DMXL2: variants seen among roughly 807,000 people sequenced by gnomAD.
DMXL2 encodes the protein Dmx like 2, also known as dmX-like protein 2.
A neutral mutation model predicts 331.1 loss-of-function variants in DMXL2; 103 were observed. That is an observed-to-expected ratio of 0.31 (90% CI 0.27 to 0.37). The LOEUF (loss-of-function observed/expected upper bound fraction) is 0.37. Ranked by LOEUF, DMXL2 falls within the 10% of genes least tolerant of loss-of-function variation. DMXL2 has a pLI of 1.00. For synonymous variants in DMXL2, 1,281 were observed against 1,252.1 expected, an observed-to-expected ratio of 1.02 and a Z score of -0.49; for missense variants, 3,171 against 3,642.9, an observed-to-expected ratio of 0.87 and a Z score of 3.33.
At chr15:51,545,863 C>A (rs746797034) in intron 7 of DMXL2, 97 bp from the exon 8 acceptor site, 3 of 946,518 alleles carry the variant, frequency 3.2e-6, no homozygotes, top group African/African-American at 3.3e-5. Context: ...AACATTAGTG[C>A]AAAACACTAT....
chr15:51,469,677 A>G (rs757343735), intron 29 of DMXL2, among the ~76,000 whole-genome samples: 1 of 151,424 alleles, frequency 6.6e-6, no homozygotes, highest in Non-Finnish European at 1.5e-5. Context: ...GCACATTACC[A>G]TTTACAAATC....
rs558882467 is a variant in DMXL2, at chr15:51,571,058, A to C, written c.214-2500T>G. Among the ~76,000 whole-genome samples, 7 of 152,328 alleles carry C rather than the reference A, an allele frequency of 4.6e-5. No homozygotes were observed. In the South Asian group the frequency reaches 8.3e-4, roughly 18 times the overall value. ...GGAGACCCATCTCACATGCAGACAC[A>C]CATACAGGCTGAAAATAAAGGGATA... On this transcript the variant is annotated intron_variant, in intron 2 of 43. Coordinates refer to ENST00000560891, the MANE Select transcript of DMXL2 (RefSeq NM_001378457.1).
chr15:51,540,750 T>A (rs771554305), intron 9 of DMXL2, among the ~76,000 whole-genome samples: 1 of 152,182 alleles, frequency 6.6e-6, no homozygotes, highest in Non-Finnish European at 1.5e-5. Context: ...TAAAAATGCA[T>A]GATGTTAAAC....
At chr15:51,483,667 G>C (rs1361310702) in intron 23 of DMXL2, among the ~76,000 whole-genome samples, 1 of 151,586 alleles carries the variant, frequency 6.6e-6, no homozygotes. Flanking sequence ...CCTGCTCCCT[G>C]CACTCAGAGT....
intron 32 of DMXL2, among the ~76,000 whole-genome samples, chr15:51,463,906 G>C (rs2040343139): frequency 6.6e-6 from 1 of 151,712 alleles, no homozygotes; most frequent in African/African-American, 2.4e-5. Flanking sequence ...TATTTTAATA[G>C]TAAAAACTAT....
intron 27 of DMXL2, among the ~76,000 whole-genome samples, chr15:51,474,805 A>C (rs1330858338): frequency 6.6e-6 from 1 of 152,150 alleles, no homozygotes; most frequent in East Asian, 2.0e-4. Flanking sequence ...TGAGTAGATA[A>C]ACAAAAGGTA....
rs555509118 is a variant in DMXL2, at chr15:51,610,292, C to T, written c.87+12167G>A. ...AAATAAAACAAAATTAACAAAACCA[C>T]AAGATAGGAATAAATGCATATTTAT... On this transcript the variant is annotated intron_variant, in intron 1 of 43. Transcript: ENST00000560891. 5.3e-5 allele frequency among the ~76,000 whole-genome samples: 8 copies of T among 152,082 alleles called. No individual in the cohort carries two copies. The East Asian group carries it at 1.2e-3, about 22-fold the overall frequency.
At position 51,481,333 on chromosome 15, in the gene DMXL2, C is replaced by G; in HGVS notation, c.5773G>C (p.Asp1925His). 6.2e-7 allele frequency: 1 copy of G among 1,614,076 alleles called. No homozygotes were observed. Among genetic ancestry groups the G allele is most frequent in the South Asian group, 1.1e-5 (1 of 91,052 alleles). ...SALSAKKDQP[D>H]FISHRMDDVP... Reference sequence around the variant, plus strand: ...TCATCCATCCTGTGAGAAATGAAGTCAGGCTGATCTTTTTTTGCAGATAAG... The same window carrying G: ...TCATCCATCCTGTGAGAAATGAAGTGAGGCTGATCTTTTTTTGCAGATAAG... Residue 1925 changes from aspartate (D) to histidine (H), a missense_variant, in exon 24 of 44, where the codon GAC becomes CAC. By Grantham distance (81) the Asp-to-His change is moderately conservative. This residue lies in a region of DMXL2 where 244 missense variants were observed against 251.4 expected (regional missense o/e 0.97). Coordinates refer to ENST00000560891, the MANE Select transcript of DMXL2 (RefSeq NM_001378457.1).
At chr15:51,512,288 A>G (rs950238105) in intron 15 of DMXL2, among the ~76,000 whole-genome samples, 1 of 152,238 alleles carries the variant, frequency 6.6e-6, no homozygotes, top group African/African-American at 2.4e-5. Flanking sequence ...CTCTTTAAAT[A>G]GACAATGAAA....
At chr15:51,471,665 A>G (rs751513822) in intron 28 of DMXL2, among the ~76,000 whole-genome samples, 7 of 152,200 alleles carry the variant, frequency 4.6e-5, no homozygotes, top group Admixed American at 2.0e-4. Flanking sequence ...AATACACTAA[A>G]TAAGTGGTAT....
In DMXL2 at chr15:51,481,224, T is replaced by C; in HGVS notation, c.5882A>G (p.Asp1961Gly). Residue 1961 changes from aspartate (D) to glycine (G), a missense_variant, in exon 24 of 44, where the codon GAC becomes GGC. Coordinates refer to ENST00000560891, the MANE Select transcript of DMXL2 (RefSeq NM_001378457.1). ...AACTTTTACTATTGGCTGACTCCAG[T>C]CATACTGTGATGAAGTTACATTTGA... Reference protein sequence around the residue: ...EWSNVTSSQYDWSQPIVKVDE... With the variant: ...EWSNVTSSQYGWSQPIVKVDE... 4 of 1,614,006 alleles carry C rather than the reference T, an allele frequency of 2.5e-6. No homozygotes were observed. The highest frequency in any genetic ancestry group is 3.4e-6 in the Non-Finnish European group (4 of 1,179,950).
At chr15:51,522,838 T>G (rs1483717130) in intron 13 of DMXL2, among the ~76,000 whole-genome samples, 1 of 152,230 alleles carries the variant, frequency 6.6e-6, no homozygotes, top group African/African-American at 2.4e-5. Flanking sequence ...AAGCAGCTAC[T>G]AAGCTCTGCT....
At position 51,622,456 on chromosome 15, in the gene DMXL2, C is replaced by T. The variant is rs777594390; in HGVS notation, c.87+3G>A. ...TCCCCTAGGGCTCCCGGCCGCCGCT[C>T]ACCGTGAAGGGGACATCCCCGACGC... On this transcript the variant is annotated splice_donor_region_variant and intron_variant, in intron 1 of 43. Transcript: ENST00000560891. 15 of 1,560,000 alleles carry T rather than the reference C, an allele frequency of 9.6e-6. No individual in the cohort carries two copies. Among genetic ancestry groups the T allele is most frequent in the African/African-American group, 2.7e-5 (2 of 73,358 alleles).
At chr15:51,561,626 T>C (rs1166593523) in intron 6 of DMXL2, among the ~76,000 whole-genome samples, 2 of 152,144 alleles carry the variant, frequency 1.3e-5, no homozygotes, top group Admixed American at 1.3e-4. Flanking sequence ...AGTACGGAGT[T>C]TTCTCAAAAA....
intron 9 of DMXL2, among the ~76,000 whole-genome samples, chr15:51,539,334 G>C (rs1244498219): frequency 6.6e-6 from 1 of 152,058 alleles, no homozygotes; most frequent in Non-Finnish European, 1.5e-5. Context: ...TCAAAGTGAA[G>C]AATATAAAAG....
intron 41 of DMXL2, among the ~76,000 whole-genome samples, chr15:51,452,115 C>CCTCATCTCTCACCT (rs1364631087): frequency 6.6e-6 from 1 of 152,164 alleles, no homozygotes. Flanking sequence ...GTCCCTGAAT[C>CCTCATCTCTCACCT]CTCATCTCTC....
chr15:51,502,956 T>C lies in DMXL2; in HGVS notation c.2842A>G (p.Thr948Ala), dbSNP rs1302933060. ...GQKNVDSSPE[T>A]SPSVSPMPHS... is the part of the protein sequence containing the mutation. ...GGCATGGGGCTCACACTAGGAGAGG[T>C]TTCTGGAGAAGAATCTACGTTCTTC... The change falls in exon 17 of 44, where the codon ACC becomes GCC. Residue 948 changes from threonine to alanine, a missense_variant. Around this residue, in one of 7 missense-constraint regions of DMXL2, gnomAD observed 1,674 missense variants for 1,780.2 expected, o/e 0.94. Transcript: ENST00000560891. 1 of 1,614,022 alleles carries C rather than the reference T, an allele frequency of 6.2e-7. No individual in the cohort carries two copies. Among genetic ancestry groups the C allele is most frequent in the Non-Finnish European group, 8.5e-7 (1 of 1,179,922 alleles).
chr15:51,620,638 G>C (rs982705888), intron 1 of DMXL2, among the ~76,000 whole-genome samples: 1 of 152,186 alleles, frequency 6.6e-6, no homozygotes, highest in African/African-American at 2.4e-5. Flanking sequence ...GAAGTTATCG[G>C]ACATGACAGT....
intron 18 of DMXL2, 116 bp downstream of exon 18, chr15:51,498,436 C>A (rs1669432370): frequency 9.5e-7 from 1 of 1,058,034 alleles, no homozygotes; most frequent in Non-Finnish European, 1.4e-6. Context: ...TTAAGGAGGT[C>A]TTTTCCCTGC....
Sources: allele counts gnomAD v4.1 joint callset (sites outside exome capture counted in the v4.1 genomes callset), GRCh38; gene constraint gnomAD v4.1.1; regional missense constraint gnomAD v4.1.1; transcripts MANE v1.5; gene names NCBI Gene and HGNC (gene_info 2026-07-23, HGNC 2026-07-21).